Variants in GRIN2B observed in about 807,000 individuals in gnomAD.
GRIN2B encodes the protein glutamate receptor ionotropic, NMDA 2B.
GRIN2B carries 5 observed loss-of-function variants against 114.5 expected under a neutral mutation model. The ratio of observed to expected loss-of-function variants is 0.04; its 90% confidence interval spans 0.02 to 0.09. The LOEUF is 0.09. GRIN2B is among the 10% of genes least tolerant of loss of function. The pLI, the probability that GRIN2B is intolerant of heterozygous loss-of-function variation, is 1.00. For missense variants in GRIN2B, 1,108 were observed against 1,943.5 expected, an observed-to-expected ratio of 0.57 and a Z score of 8.08; for synonymous variants, 787 against 745.1, an observed-to-expected ratio of 1.06 and a Z score of -0.92.
intron 3 of GRIN2B, among the ~76,000 whole-genome samples, chr12:13,766,306 T>C (rs1460069917): frequency 6.6e-6 from 1 of 152,222 alleles, no homozygotes; most frequent in East Asian, 1.9e-4. Context: ...ATAAGTATCC[T>C]AAGAATGGTG....
At chr12:13,977,284 C>T (rs1863039062) in intron 2 of GRIN2B, 2 of 152,170 alleles carry the variant, frequency 1.3e-5, no homozygotes, top group African/African-American at 2.4e-5. Flanking sequence ...GGGATGGAAC[C>T]AACGGGAGAG....
At chr12:13,974,255 G>C (rs2136875517) in intron 2 of GRIN2B, among the ~76,000 whole-genome samples, 1 of 152,266 alleles carries the variant, frequency 6.6e-6, no homozygotes, top group Middle Eastern at 3.4e-3. Context: ...GCCATCAACA[G>C]AGTTAGCTGC....
rs1394312949 is a variant in GRIN2B at position 13,545,560 on chromosome 12, A to G, written c.*17223T>C. 1 of 151,900 alleles carries G rather than the reference A, an allele frequency of 6.6e-6. No homozygotes were observed. Among genetic ancestry groups the G allele is most frequent in the Non-Finnish European group, 1.5e-5 (1 of 67,976 alleles). The allele number at this position is 151,900 out of a possible 1,614,324, so 9.4% of individuals were successfully genotyped here. A position where few individuals can be genotyped will look rare whatever the true frequency, so the allele number is the denominator to read the frequency against. ...ACAAAACAATGCAAGCAAGGAAACA[A>G]CTCCTCCCCCAAAACCTGGATATTT... On this transcript the variant is annotated 3_prime_UTR_variant, in exon 14 of 14. Transcript: ENST00000609686.
At chr12:13,897,296 AC>A (rs1210034606) in intron 2 of GRIN2B, among the ~76,000 whole-genome samples, 1 of 151,982 alleles carries the variant, frequency 6.6e-6, no homozygotes, top group East Asian at 1.9e-4. Flanking sequence ...TGTCCAAATT[AC>A]CCCATCACTT....
At chr12:13,868,200 G>T (rs61914289) in intron 2 of GRIN2B, among the ~76,000 whole-genome samples, 2 of 151,796 alleles carry the variant, frequency 1.3e-5, no homozygotes, top group Non-Finnish European at 2.9e-5. Context: ...AAGATGAGTA[G>T]CTCAGTGGTT....
At chr12:13,838,181 G>A (rs1865312014) in intron 3 of GRIN2B, among the ~76,000 whole-genome samples, 1 of 152,144 alleles carries the variant, frequency 6.6e-6, no homozygotes, top group Non-Finnish European at 1.5e-5. Context: ...ATGGGAAAAT[G>A]AGAAAGGAAA....
chr12:13,890,835 A>C (rs1261275677), intron 2 of GRIN2B, among the ~76,000 whole-genome samples: 1 of 152,130 alleles, frequency 6.6e-6, no homozygotes, highest in African/African-American at 2.4e-5. Context: ...GAGTCCTTTG[A>C]GCACCATGCA....
At chr12:13,876,896 G>T (rs1865998779) in intron 2 of GRIN2B, among the ~76,000 whole-genome samples, 1 of 152,206 alleles carries the variant, frequency 6.6e-6, no homozygotes, top group Admixed American at 6.5e-5. Context: ...TGACATTAAT[G>T]AATGAACCAG....
Position 13,754,857 on chromosome 12 carries a change from T to G in GRIN2B, c.412-942A>C, listed in dbSNP as rs552109199. The stretch of plus-strand genomic sequence containing the variant: ...AGCGTCTTCTGATTTCTCCTTCCTT[T>G]CCAGGGAGAAGCCATTTTAAATGTC... On this transcript the variant is annotated intron_variant, in intron 3 of 13. Transcript: ENST00000609686. Among the ~76,000 whole-genome samples the G allele has an allele frequency of 2.6e-5, 4 of 152,226 alleles. No individual in the cohort carries two copies. The South Asian group carries it at 8.3e-4, about 32-fold the overall frequency.
chr12:13,927,091 C>T (rs1866931994), intron 2 of GRIN2B, among the ~76,000 whole-genome samples: 1 of 152,026 alleles, frequency 6.6e-6, no homozygotes, highest in South Asian at 2.1e-4. Flanking sequence ...AATAATATCA[C>T]TGTAAGAGCA....
At chr12:13,783,306 G>T (rs1478461196) in intron 3 of GRIN2B, among the ~76,000 whole-genome samples, 1 of 152,082 alleles carries the variant, frequency 6.6e-6, no homozygotes, top group African/African-American at 2.4e-5. Flanking sequence ...AAAGAAAAGA[G>T]TAAGTTAGTG....
chr12:13,941,502 GT>G (rs1867252502), intron 2 of GRIN2B, among the ~76,000 whole-genome samples: 1 of 152,192 alleles, frequency 6.6e-6, no homozygotes, highest in South Asian at 2.1e-4. Context: ...GTGACCTTTT[GT>G]TTCTGAGTCT....
chr12:13,783,245 A>G (rs1441204542), intron 3 of GRIN2B, among the ~76,000 whole-genome samples: 1 of 152,096 alleles, frequency 6.6e-6, no homozygotes, highest in Non-Finnish European at 1.5e-5. Context: ...AGGACACTGA[A>G]AAGACAAACA....
chr12:13,607,392 T>A lies in GRIN2B; in HGVS notation c.2010+1211A>T, dbSNP rs1370350303. On this transcript the variant is annotated intron_variant, in intron 10 of 13. Transcript: ENST00000609686. The stretch of plus-strand genomic sequence containing the variant: ...TTATATATTATATATATAATATATA[T>A]TATATATAATATATAAAATATATAA... Among the ~76,000 whole-genome samples the A allele has an allele frequency of 2.4e-3, 170 of 69,400 alleles. 4 individuals are homozygous for A. The highest frequency in any genetic ancestry group is 9.5e-3 in the African/African-American group (143 of 14,980). 45.5% of individuals were successfully genotyped at this position (69,400 alleles called of 152,430 possible). A position where few individuals can be genotyped will look rare whatever the true frequency, so the allele number is the denominator to read the frequency against.
chr12:13,880,994 T>TTG (rs144197797), intron 2 of GRIN2B, among the ~76,000 whole-genome samples: 9,070 of 148,834 alleles, frequency 0.061, 868 homozygotes, highest in African/African-American at 0.2. Context: ...GGGTATAAGG[T>TTG]TGTGTGTGTG....
At chr12:13,691,358 C>A (rs1201213397) in intron 4 of GRIN2B, among the ~76,000 whole-genome samples, 2 of 145,492 alleles carry the variant, frequency 1.4e-5, no homozygotes, top group African/African-American at 2.8e-5. Context: ...TAGATAACAC[C>A]AGGACATGAT....
At chr12:13,695,604 C>T (rs11055590) in intron 4 of GRIN2B, among the ~76,000 whole-genome samples, 9,498 of 151,986 alleles carry the variant, frequency 0.062, 372 homozygotes, top group East Asian at 0.15. Flanking sequence ...AAGAGAATAA[C>T]GGAGTCAGGG....
chr12:13,820,514 C>T lies in GRIN2B; in HGVS notation c.411+45284G>A, dbSNP rs148453934. 6.6e-3 allele frequency among the ~76,000 whole-genome samples: 1,004 copies of T among 152,278 alleles called. 6 individuals are homozygous for T. The highest frequency in any genetic ancestry group is 0.01 in the South Asian group (49 of 4,812). On this transcript the variant is annotated intron_variant, in intron 3 of 13. Transcript: ENST00000609686. ...TGTTTTTCTCTGTATTCTGACAGCA[C>T]GCATTGTTCACCCCTGTTATAGTAC...
At chr12:13,684,698 A>G (rs1950161732) in intron 4 of GRIN2B, among the ~76,000 whole-genome samples, 1 of 152,174 alleles carries the variant, frequency 6.6e-6, no homozygotes, top group Admixed American at 6.5e-5. Flanking sequence ...TTCTTAAAAC[A>G]CTGAATAAAA....
Sources: gnomAD v4.1 joint callset for allele counts (sites outside exome capture counted in the v4.1 genomes callset) on GRCh38, gnomAD v4.1.1 for gene constraint, MANE v1.5 for transcripts, NCBI Gene and HGNC (gene_info 2026-07-23, HGNC 2026-07-21) for gene names.